Variants in C12orf54 observed in about 807,000 individuals in gnomAD.
C12orf54 encodes the protein uncharacterized protein C12orf54.
Under a neutral mutation model 26.4 loss-of-function variants are expected in C12orf54, and 24 were observed. The ratio of observed to expected loss-of-function variants is 0.91; its 90% CI spans 0.66 to 1.28. The LOEUF (loss-of-function observed/expected upper bound fraction) is 1.28, where lower values mean the gene tolerates loss of function less well. C12orf54 is among the 50% of genes most tolerant of loss of function. The pLI is 0.00. For missense variants in C12orf54, 154 were observed against 150.9 expected (o/e 1.02, Z -0.11); for synonymous variants, 54 against 47.0 (o/e 1.15, Z -0.61).
the C12orf54 span, among the ~76,000 whole-genome samples, chr12:48,457,594 AG>A: frequency 6.6e-6 from 1 of 151,916 alleles, no homozygotes; most frequent in Non-Finnish European, 1.5e-5. Context: ...GGCCTCCCAA[AG>A]TTGGATTTGC....
At chr12:48,448,670 A>G in the C12orf54 span, among the ~76,000 whole-genome samples, 6 of 152,154 alleles carry the variant, frequency 3.9e-5, no homozygotes, top group African/African-American at 1.2e-4. Flanking sequence ...TCCTTGTCAT[A>G]TTGCATTAAT....
the C12orf54 span, among the ~76,000 whole-genome samples, chr12:48,450,738 A>T: frequency 6.6e-6 from 1 of 152,348 alleles, no homozygotes; most frequent in African/African-American, 2.4e-5. Context: ...AGAAATGGAC[A>T]AGTTCCTGGA....
the C12orf54 span, among the ~76,000 whole-genome samples, chr12:48,471,362 T>C: frequency 7.2e-5 from 11 of 152,286 alleles, no homozygotes; most frequent in East Asian, 1.9e-4. Flanking sequence ...GACATTTAGG[T>C]TGCTTCCAAA....
intron 1 of C12orf54, 53 bp from the exon 2 acceptor site, chr12:48,483,187 T>C: frequency 1.1e-6 from 1 of 908,070 alleles, no homozygotes; most frequent in Non-Finnish European, 1.7e-6. Flanking sequence ...AATAAGCGCT[T>C]TTCTTCTCAC....
chr12:48,443,448 T>C, the C12orf54 span, among the ~76,000 whole-genome samples: 2 of 152,276 alleles, frequency 1.3e-5, no homozygotes, highest in Admixed American at 6.5e-5. Context: ...CTTTTACTTT[T>C]TCAATAAATA....
chr12:48,422,994 G>C, the C12orf54 span, among the ~76,000 whole-genome samples: 1 of 152,106 alleles, frequency 6.6e-6, no homozygotes, highest in African/African-American at 2.4e-5. Flanking sequence ...AGACAGCATT[G>C]CCAAACTATG....
chr12:48,424,468 G>A, the C12orf54 span, among the ~76,000 whole-genome samples: 1 of 152,066 alleles, frequency 6.6e-6, no homozygotes, highest in African/African-American at 2.4e-5. Flanking sequence ...CGGACCTGGA[G>A]TTGTCTTCAT....
At chr12:48,423,617 A>C in the C12orf54 span, among the ~76,000 whole-genome samples, 1 of 152,202 alleles carries the variant, frequency 6.6e-6, no homozygotes, top group South Asian at 2.1e-4. Flanking sequence ...GCTACATAGC[A>C]CTCTGGCTTC....
the C12orf54 span, among the ~76,000 whole-genome samples, chr12:48,448,790 G>A: frequency 6.6e-6 from 1 of 152,166 alleles, no homozygotes; most frequent in Non-Finnish European, 1.5e-5. Flanking sequence ...TAAAATATTT[G>A]AAGAGATTTA....
the C12orf54 span, among the ~76,000 whole-genome samples, chr12:48,453,491 A>G: frequency 6.7e-6 from 1 of 149,628 alleles, no homozygotes; most frequent in Non-Finnish European, 1.5e-5. Context: ...GTATCCCTGA[A>G]CTTAAAGTAA....
At chr12:48,470,571 T>C in the C12orf54 span, among the ~76,000 whole-genome samples, 1 of 152,190 alleles carries the variant, frequency 6.6e-6, no homozygotes, top group Non-Finnish European at 1.5e-5. Context: ...TATTAGATCT[T>C]TGTCAGATGC....
the C12orf54 span, chr12:48,442,325 T>A: frequency 1.9e-5 from 3 of 154,882 alleles, no homozygotes; most frequent in Non-Finnish European, 4.4e-5. Context: ...CATGAGAAAA[T>A]TTCCAAAGAA....
At position 48,494,871 on chromosome 12, in the gene C12orf54, T is replaced by C. The variant is rs1327613005; in HGVS notation, c.316T>C (p.Ser106Pro). 2 of 1,613,318 alleles carry C rather than the reference T, an allele frequency of 1.2e-6. No individual in the cohort carries two copies. The highest frequency in any genetic ancestry group is 1.7e-6 in the Non-Finnish European group (2 of 1,179,214). The stretch of plus-strand genomic sequence containing the variant: ...GCAGTTCAGCTCTGGAGAGCAGCCA[T>C]CAGGAGGCCGTATCCACAACCTGAA... ...RLQFSSGEQPSGGRIHNLKTQ... is the reference protein window; with the variant it reads ...RLQFSSGEQPPGGRIHNLKTQ... The change falls in exon 8 of 9, where the codon TCA (serine) becomes CCA (proline). Residue 106 changes from serine to proline, a missense_variant. Ser to Pro is a moderately conservative substitution (Grantham distance 74, BLOSUM62 -1). Coordinates refer to ENST00000548364, the MANE Select transcript of C12orf54 (RefSeq NM_152319.4).
At chr12:48,420,530 G>T in the C12orf54 span, among the ~76,000 whole-genome samples, 14 of 151,968 alleles carry the variant, frequency 9.2e-5, no homozygotes, top group African/African-American at 3.1e-4. Context: ...CTTTCTTAAG[G>T]ACCTGGGAAC....
intron 7 of C12orf54, 135 bp downstream of exon 7, chr12:48,493,130 C>T (rs1315369972): frequency 2.7e-6 from 2 of 738,864 alleles, no homozygotes; most frequent in Non-Finnish European, 4.7e-6. Context: ...AGAAGTGCCT[C>T]CCCACCCAAC....
the C12orf54 span, among the ~76,000 whole-genome samples, chr12:48,425,921 G>T: frequency 6.9e-6 from 1 of 145,416 alleles, no homozygotes; most frequent in East Asian, 2.3e-4. Flanking sequence ...TTTTTTAATG[G>T]GGTTGTTTGG....
chr12:48,475,373 C>T, the C12orf54 span, among the ~76,000 whole-genome samples: 1 of 152,120 alleles, frequency 6.6e-6, no homozygotes, highest in Admixed American at 6.5e-5. Context: ...TCCTCACCAG[C>T]AACAGAACAA....
At chr12:48,490,781 C>A in intron 5 of C12orf54, 31 bp from the exon 6 acceptor site, 1 of 1,612,992 alleles carries the variant, frequency 6.2e-7, no homozygotes, top group South Asian at 1.1e-5. Context: ...CAGCCCCCAT[C>A]ATCTCTGACT....
chr12:48,436,932 A>C, the C12orf54 span, among the ~76,000 whole-genome samples: 2 of 152,232 alleles, frequency 1.3e-5, no homozygotes, highest in Non-Finnish European at 2.9e-5. Context: ...AAATAGAGAC[A>C]CAACAAACCC....
Sources: allele counts gnomAD v4.1 joint callset (sites outside exome capture counted in the v4.1 genomes callset), GRCh38; gene constraint gnomAD v4.1.1; transcripts MANE v1.5; gene names NCBI Gene and HGNC (gene_info 2026-07-23, HGNC 2026-07-21).